Variants in TTLL1 observed in about 807,000 individuals in gnomAD.
TTLL1 encodes polyglutamylase complex subunit TTLL1.
TTLL1 carries 33 observed loss-of-function variants against 47.8 expected under a neutral mutation model. The ratio of observed to expected loss-of-function variants is 0.69; its 90% confidence interval spans 0.52 to 0.92. TTLL1 has a LOEUF of 0.92. TTLL1 is among the 40% of genes least tolerant of loss of function. The pLI, the probability that TTLL1 is intolerant of heterozygous loss-of-function variation, is 0.00. For missense variants in TTLL1, 488 were observed against 547.5 expected (o/e 0.89, Z 1.08); for synonymous variants, 225 against 214.1 (o/e 1.05, Z -0.45).
intron 3 of TTLL1, among the ~76,000 whole-genome samples, chr22:43,075,038 G>A (rs1004745793): frequency 1.6e-4 from 24 of 152,076 alleles, no homozygotes; most frequent in African/African-American, 5.3e-4. Context: ...GTGTGGTGGC[G>A]CCTGTAATCC....
In TTLL1 at chr22:43,046,506, T is replaced by C. The variant is rs753363360; in HGVS notation, c.1046A>G (p.Asn349Ser). ...NDRILKYNLINDTLNIAVPNG... is the reference protein window; with the variant it reads ...NDRILKYNLISDTLNIAVPNG... Reference sequence around the variant, plus strand: ...CGGGACGGCGATGTTGAGGGTGTCATTAATCAGGTTGTACTTGAGGATTCG... The same window carrying C: ...CGGGACGGCGATGTTGAGGGTGTCACTAATCAGGTTGTACTTGAGGATTCG... The change falls in exon 10 of 11, where the codon AAT (asparagine) becomes AGT (serine). Residue 349 changes from asparagine (N) to serine (S), a missense_variant. Physicochemically the swap from Asn to Ser is conservative, Grantham distance 46. Transcript: ENST00000266254. The C allele has an allele frequency of 2.5e-6, 4 of 1,614,122 alleles. No homozygotes were observed. Among genetic ancestry groups the C allele is most frequent in the East Asian group, 2.2e-5 (1 of 44,884 alleles).
intron 10 of TTLL1, among the ~76,000 whole-genome samples, chr22:43,042,491 T>C (rs1925765197): frequency 6.6e-6 from 1 of 152,170 alleles, no homozygotes. Context: ...AAAAGTACAG[T>C]CAGCAACTTC....
chr22:43,076,332 C>G (rs763862291), intron 2 of TTLL1, among the ~76,000 whole-genome samples: 1 of 152,014 alleles, frequency 6.6e-6, no homozygotes, highest in Non-Finnish European at 1.5e-5. Context: ...TGTGCGCACC[C>G]GTAATCCCAA....
At chr22:43,057,287 A>G (rs1260406422) in intron 8 of TTLL1, among the ~76,000 whole-genome samples, 5 of 151,788 alleles carry the variant, frequency 3.3e-5, no homozygotes, top group African/African-American at 9.7e-5. Context: ...TTAAAAAAAA[A>G]AAAAAAAAAA....
At chr22:43,076,649 G>A (rs1046892337) in intron 2 of TTLL1, among the ~76,000 whole-genome samples, 1 of 151,856 alleles carries the variant, frequency 6.6e-6, no homozygotes, top group African/African-American at 2.4e-5. Context: ...TACTCGGGAG[G>A]CTGAGGTAGG....
chr22:43,074,448 A>T (rs1928350591), intron 3 of TTLL1, among the ~76,000 whole-genome samples: 1 of 147,866 alleles, frequency 6.8e-6, no homozygotes, highest in East Asian at 2.0e-4. Context: ...AAAAAAAAAG[A>T]AAGAAAGAAA....
intron 7 of TTLL1, among the ~76,000 whole-genome samples, chr22:43,060,506 T>G (rs929851533): frequency 6.6e-6 from 1 of 152,004 alleles, no homozygotes; most frequent in Non-Finnish European, 1.5e-5. Flanking sequence ...GACACTGGGC[T>G]CACACTGCAG....
intron 4 of TTLL1, 122 bp from the exon 5 acceptor site, chr22:43,068,712 G>T: frequency 1.2e-6 from 1 of 848,476 alleles, no homozygotes; most frequent in Non-Finnish European, 1.7e-6. Context: ...CAACCCAGCA[G>T]CTAACAGAAC....
intron 7 of TTLL1, among the ~76,000 whole-genome samples, chr22:43,062,821 C>T (rs1309713030): frequency 2.0e-5 from 3 of 151,850 alleles, no homozygotes; most frequent in African/African-American, 2.4e-5. Context: ...AGCGAGACTC[C>T]GCCTCAAAAA....
At chr22:43,070,057 T>C in intron 3 of TTLL1, 1 of 1,183,636 alleles carries the variant, frequency 8.4e-7, no homozygotes, top group East Asian at 2.6e-5. Flanking sequence ...GGCCAGGAGC[T>C]GTGCTGATTC....
intron 5 of TTLL1, among the ~76,000 whole-genome samples, chr22:43,067,059 A>G (rs1927785040): frequency 6.6e-6 from 1 of 152,190 alleles, no homozygotes; most frequent in Non-Finnish European, 1.5e-5. Context: ...AACTCCTGAC[A>G]AGTGAGTCAT....
At chr22:43,051,477 T>G (rs1257393607) in intron 9 of TTLL1, among the ~76,000 whole-genome samples, 1 of 152,042 alleles carries the variant, frequency 6.6e-6, no homozygotes, top group Non-Finnish European at 1.5e-5. Flanking sequence ...CTGTCACCCA[T>G]GAGGACAGGG....
At chr22:43,080,619 T>C (rs551740150) in intron 1 of TTLL1, among the ~76,000 whole-genome samples, 1 of 152,226 alleles carries the variant, frequency 6.6e-6, no homozygotes, top group East Asian at 1.9e-4. Flanking sequence ...TGCAAGCCTG[T>C]GTGCACCCTG....
intron 10 of TTLL1, among the ~76,000 whole-genome samples, chr22:43,043,120 T>C (rs932438288): frequency 6.6e-6 from 1 of 151,966 alleles, no homozygotes; most frequent in African/African-American, 2.4e-5. Context: ...TTTGTATTTT[T>C]AGCAGAGACG....
At chr22:43,086,787 C>T (rs1238824491) in intron 1 of TTLL1, among the ~76,000 whole-genome samples, 1 of 152,176 alleles carries the variant, frequency 6.6e-6, no homozygotes, top group African/African-American at 2.4e-5. Context: ...GCAGCAGGCC[C>T]CACTCTGTCC....
intron 7 of TTLL1, 88 bp from the exon 8 acceptor site, chr22:43,059,615 G>T: frequency 2.0e-6 from 3 of 1,471,054 alleles, no homozygotes; most frequent in African/African-American, 2.8e-5. Flanking sequence ...AGCATTTCTG[G>T]AGTGCCCCCT....
intron 3 of TTLL1, chr22:43,070,320 G>T: frequency 1.5e-6 from 1 of 689,564 alleles, no homozygotes; most frequent in Non-Finnish European, 2.3e-6. Context: ...TGCTGAAGGG[G>T]CAAGTTGGGG....
Position 43,039,649 on chromosome 22 carries a change from A to G in TTLL1, c.*127T>C. ...GTCAAACAGACTCCATAACCTTCCA[A>G]AGAAGTGCCTTCGTTTATTTACAGG... On this transcript the variant is annotated 3_prime_UTR_variant, in exon 11 of 11. Coordinates refer to ENST00000266254, the MANE Select transcript of TTLL1 (RefSeq NM_012263.5). The G allele has an allele frequency of 1.6e-6, 2 of 1,257,896 alleles. No homozygotes were observed. The highest frequency in any genetic ancestry group is 2.1e-6 in the Non-Finnish European group (2 of 944,644). The allele number at this position is 1,257,896 out of a possible 1,614,324, so 77.9% of individuals were successfully genotyped here.
Position 43,063,902 on chromosome 22 carries a change from G to A in TTLL1, c.658C>T (p.Arg220Trp), listed in dbSNP as rs1279755974. ...GGGGTGTATTTCACTGTGCAGAACC[G>A]GCAAAACCCAAGCTTGTACCTAGGA... ...RCYMYKLGFC[R>W]FCTVKYTPST... The change falls in exon 7 of 11, where the codon CGG (arginine) becomes TGG (tryptophan). Residue 220 changes from arginine to tryptophan, a missense_variant. Physicochemically the swap from Arg to Trp is moderately radical, Grantham distance 101. Coordinates refer to ENST00000266254, the MANE Select transcript of TTLL1 (RefSeq NM_012263.5). 8 of 1,614,048 alleles carry A rather than the reference G, an allele frequency of 5.0e-6. No individual in the cohort carries two copies. The highest frequency in any genetic ancestry group is 1.1e-5 in the South Asian group (1 of 91,072).
Sources: gnomAD v4.1 joint callset for allele counts (sites outside exome capture counted in the v4.1 genomes callset) on GRCh38, gnomAD v4.1.1 for gene constraint, MANE v1.5 for transcripts, NCBI Gene and HGNC (gene_info 2026-07-23, HGNC 2026-07-21) for gene names.